HIBADH: variants seen among roughly 807,000 people sequenced by gnomAD.
HIBADH encodes 3-hydroxyisobutyrate dehydrogenase, mitochondrial.
A neutral mutation model predicts 36.1 loss-of-function variants in HIBADH; 25 were observed. The ratio of observed to expected loss-of-function variants is 0.69; its 90% CI spans 0.50 to 0.97. The LOEUF (loss-of-function observed/expected upper bound fraction) is 0.97. HIBADH is among the 50% of genes least tolerant of loss of function. The pLI is 0.00. For missense variants in HIBADH, 421 were observed against 418.0 expected (o/e 1.01, Z -0.06); for synonymous variants, 160 against 149.5 (o/e 1.07, Z -0.51).
At chr7:27,648,884 G>A (rs1022200614) in intron 2 of HIBADH, among the ~76,000 whole-genome samples, 2 of 152,110 alleles carry the variant, frequency 1.3e-5, no homozygotes, top group African/African-American at 4.8e-5. Context: ...CCTGGTTTAT[G>A]GCCAATAACT....
At chr7:27,542,440 T>A (rs1310669804) in intron 5 of HIBADH, among the ~76,000 whole-genome samples, 1 of 14,190 alleles carries the variant, frequency 7.0e-5, no homozygotes, top group African/African-American at 5.3e-4. Context: ...TTTTTCCCGT[T>A]TTTTTTTTTT....
intron 5 of HIBADH, among the ~76,000 whole-genome samples, chr7:27,538,966 A>C (rs1009860353): frequency 1.4e-4 from 21 of 152,300 alleles, no homozygotes; most frequent in African/African-American, 4.8e-4. Context: ...TTAAATATTT[A>C]AGAACATGGG....
At chr7:27,579,046 TA>T (rs1784754166) in intron 4 of HIBADH, among the ~76,000 whole-genome samples, 1 of 152,172 alleles carries the variant, frequency 6.6e-6, no homozygotes, top group African/African-American at 2.4e-5. Context: ...TGTTTTAGAT[TA>T]AAGAAAGATG....
intron 4 of HIBADH, among the ~76,000 whole-genome samples, chr7:27,607,451 G>A (rs1281659287): frequency 1.3e-5 from 2 of 152,126 alleles, no homozygotes; most frequent in African/African-American, 2.4e-5. Context: ...GGAGGTTGCC[G>A]TGAGCTGAGA....
At chr7:27,588,806 T>A (rs1011748786) in intron 4 of HIBADH, among the ~76,000 whole-genome samples, 3 of 152,214 alleles carry the variant, frequency 2.0e-5, no homozygotes, top group African/African-American at 7.2e-5. Flanking sequence ...ACTTTTTAAC[T>A]CTGTTCTTGA....
intron 4 of HIBADH, among the ~76,000 whole-genome samples, chr7:27,619,993 A>G (rs1397272408): frequency 6.6e-6 from 1 of 152,172 alleles, no homozygotes; most frequent in Non-Finnish European, 1.5e-5. Context: ...ATGCTAAAAG[A>G]TCTTCTTCAC....
At chr7:27,600,617 C>T (rs1422750985) in intron 4 of HIBADH, among the ~76,000 whole-genome samples, 1 of 152,014 alleles carries the variant, frequency 6.6e-6, no homozygotes, top group African/African-American at 2.4e-5. Flanking sequence ...TTTCCTTTCA[C>T]AGCAACCTAT....
At chr7:27,544,284 C>G (rs1486341076) in intron 4 of HIBADH, among the ~76,000 whole-genome samples, 1 of 152,140 alleles carries the variant, frequency 6.6e-6, no homozygotes, top group African/African-American at 2.4e-5. Flanking sequence ...AAATAGCTTT[C>G]TATTTTACAG....
intron 4 of HIBADH, among the ~76,000 whole-genome samples, chr7:27,593,483 G>A (rs759813550): frequency 6.6e-6 from 1 of 151,934 alleles, no homozygotes; most frequent in Non-Finnish European, 1.5e-5. Flanking sequence ...AATGAATAAT[G>A]CAAACATACA....
At chr7:27,574,303 T>TTC (rs952983120) in intron 4 of HIBADH, among the ~76,000 whole-genome samples, 2 of 151,274 alleles carry the variant, frequency 1.3e-5, no homozygotes, top group African/African-American at 4.9e-5. Flanking sequence ...CAGGTGATTT[T>TTC]TTTTTTCCTC....
intron 4 of HIBADH, among the ~76,000 whole-genome samples, chr7:27,549,902 A>ATTTTT (rs1554295368): frequency 2.0e-5 from 3 of 151,984 alleles, no homozygotes; most frequent in African/African-American, 7.2e-5. Flanking sequence ...ATTACTTAGC[A>ATTTTT]TTTCTTTTCT....
intron 4 of HIBADH, among the ~76,000 whole-genome samples, chr7:27,585,602 T>G (rs553160976): frequency 6.6e-6 from 1 of 152,212 alleles, no homozygotes; most frequent in African/African-American, 2.4e-5. Flanking sequence ...TGGGATGATA[T>G]GAGAAATAAT....
Position 27,543,066 on chromosome 7 carries a change from A to C in HIBADH, c.519T>G (p.Phe173Leu). ...ATTCATCTTCAACTCCTCCCACCAT[A>C]AACGTGAGGTTCCCAGATCGTGCAG... ...VGAARSGNLT[F>L]MVGGVEDEFA... Residue 173 changes from phenylalanine to leucine, a missense_variant, in exon 5 of 8, where the codon TTT (phenylalanine) becomes TTG (leucine). Phe to Leu is a conservative substitution (Grantham distance 22). Coordinates refer to ENST00000265395, the MANE Select transcript of HIBADH (RefSeq NM_152740.4). The C allele has an allele frequency of 6.2e-7, 1 of 1,613,718 alleles. No individual in the cohort carries two copies. The highest frequency in any genetic ancestry group is 8.5e-7 in the Non-Finnish European group (1 of 1,179,824).
intron 4 of HIBADH, among the ~76,000 whole-genome samples, chr7:27,556,156 C>T (rs182689286): frequency 2.6e-5 from 4 of 151,984 alleles, no homozygotes; most frequent in African/African-American, 9.7e-5. Flanking sequence ...ATATCTGCTT[C>T]GACAGGACTG....
intron 1 of HIBADH, among the ~76,000 whole-genome samples, chr7:27,655,299 T>C (rs1416875625): frequency 1.3e-5 from 2 of 152,190 alleles, no homozygotes; most frequent in Non-Finnish European, 2.9e-5. Flanking sequence ...CTAATTGGCT[T>C]AGGTAGGATA....
intron 2 of HIBADH, among the ~76,000 whole-genome samples, chr7:27,638,680 G>C (rs1785901374): frequency 6.6e-6 from 1 of 151,312 alleles, no homozygotes; most frequent in Non-Finnish European, 1.5e-5. Flanking sequence ...GGGAGAAAAT[G>C]TTTGCAAACT....
intron 4 of HIBADH, among the ~76,000 whole-genome samples, chr7:27,544,018 A>G (rs1028068806): frequency 2.6e-5 from 4 of 152,124 alleles, no homozygotes; most frequent in Non-Finnish European, 5.9e-5. Context: ...TTGATTCATA[A>G]TTTTCAAGTT....
intron 1 of HIBADH, among the ~76,000 whole-genome samples, chr7:27,659,978 T>A (rs1262551312): frequency 6.6e-6 from 1 of 152,140 alleles, no homozygotes; most frequent in African/African-American, 2.4e-5. Flanking sequence ...ATCACTTGAG[T>A]ACAGGAGTTC....
At chr7:27,652,545 C>G (rs1786215377) in intron 1 of HIBADH, among the ~76,000 whole-genome samples, 1 of 152,168 alleles carries the variant, frequency 6.6e-6, no homozygotes, top group African/African-American at 2.4e-5. Flanking sequence ...TTAGTTTGAG[C>G]TACTATAACA....
Sources: gnomAD v4.1 joint callset for allele counts (sites outside exome capture counted in the v4.1 genomes callset) on GRCh38, gnomAD v4.1.1 for gene constraint, MANE v1.5 for transcripts, NCBI Gene and HGNC (gene_info 2026-07-23, HGNC 2026-07-21) for gene names.